Variants in CLEC2L observed in about 807,000 individuals in gnomAD.
CLEC2L encodes C-type lectin domain family 2 member L, also known as C-type lectin domain family 2, member L.
CLEC2L carries 14 observed loss-of-function variants against 23.6 expected under a neutral mutation model. The ratio of observed to expected loss-of-function variants is 0.59; its 90% CI spans 0.39 to 0.93. The LOEUF (loss-of-function observed/expected upper bound fraction) is 0.93. Among genes scored for constraint, CLEC2L ranks in the 40% least tolerant of loss-of-function variants. CLEC2L has a pLI of 0.00. For missense variants in CLEC2L, 264 were observed against 282.4 expected (o/e 0.93, Z 0.47); for synonymous variants, 114 against 121.3 (o/e 0.94, Z 0.40).
At position 139,540,529 on chromosome 7, in the gene CLEC2L, C is replaced by T; in HGVS notation, c.432+42C>T. ...GAAGGGGGTTGGGGGAAGGGACCCT[C>T]AGGGCCCCCAACCTTGACTCTAGGG... On this transcript the variant is annotated intron_variant, in intron 3 of 4. Coordinates refer to ENST00000422142, the MANE Select transcript of CLEC2L (RefSeq NM_001080511.4). The surrounding 1 kb of genome is among the most constrained non-coding windows in gnomAD (Gnocchi z 5.8). The T allele has an allele frequency of 6.4e-7, 1 of 1,555,130 alleles. No individual in the cohort carries two copies. Among genetic ancestry groups the T allele is most frequent in the Non-Finnish European group, 8.7e-7 (1 of 1,149,724 alleles).
rs1797720672 is a variant in CLEC2L, at chr7:139,540,564, ACAGTAAAGGATG to A, written c.432+82_432+93del. On this transcript the variant is annotated intron_variant, in intron 3 of 4. Transcript: ENST00000422142. This position sits in a 1 kb window ranked among gnomAD's most constrained non-coding sequence, Gnocchi z 5.8. ...AACCTTGACTCTAGGGGACAGCCAC[ACAGTAAAGGATG>A]CAGTGTTCCCTGTGACACGTCTCCA... 7.8e-5 allele frequency: 116 copies of A among 1,490,050 alleles called. 2 individuals carry two copies. The South Asian group carries it at 1.2e-3, about 15-fold the overall frequency. The allele number at this position is 1,490,050 out of a possible 1,614,324, so 92.3% of individuals were successfully genotyped here.
intron 1 of CLEC2L, among the ~76,000 whole-genome samples, chr7:139,527,353 C>T (rs923777929): frequency 1.3e-5 from 2 of 152,214 alleles, no homozygotes; most frequent in Non-Finnish European, 1.5e-5. Context: ...TCTCCTCCCC[C>T]TGCTCCCCAG....
At chr7:139,542,196 C>T in intron 4 of CLEC2L, 75 bp downstream of exon 4, 1 of 981,274 alleles carries the variant, frequency 1.0e-6, no homozygotes, top group Non-Finnish European at 1.5e-6. Context: ...GACACAACTC[C>T]CGAAGAGAGA....
At chr7:139,532,285 A>G (rs551289599) in intron 1 of CLEC2L, among the ~76,000 whole-genome samples, 1 of 152,312 alleles carries the variant, frequency 6.6e-6, no homozygotes, top group Admixed American at 6.5e-5. Flanking sequence ...AGAAGCGTTG[A>G]TCCTTGGATT....
chr7:139,538,465 AG>A (rs1401775713), intron 2 of CLEC2L, among the ~76,000 whole-genome samples: 3 of 148,622 alleles, frequency 2.0e-5, no homozygotes, highest in African/African-American at 7.5e-5. Flanking sequence ...AAACAAAAAA[AG>A]GTCCGGGCGT....
chr7:139,536,727 C>A (rs1422351603), intron 2 of CLEC2L, among the ~76,000 whole-genome samples: 4 of 152,034 alleles, frequency 2.6e-5, no homozygotes, highest in Admixed American at 2.6e-4. Context: ...GTAATCCCAG[C>A]ACTTTGGGAG....
At chr7:139,543,562 C>T (rs1797766790) in intron 4 of CLEC2L, among the ~76,000 whole-genome samples, 1 of 152,210 alleles carries the variant, frequency 6.6e-6, no homozygotes, top group South Asian at 2.1e-4. Context: ...AAGAAGAAAC[C>T]TCTGAGGCTG....
At chr7:139,536,478 A>C (rs1351321044) in intron 2 of CLEC2L, 130 bp downstream of exon 2, 4 of 752,876 alleles carry the variant, frequency 5.3e-6, no homozygotes, top group African/African-American at 1.8e-5. Flanking sequence ...TAGAAAATAC[A>C]TAGTGTCAGT....
intron 1 of CLEC2L, among the ~76,000 whole-genome samples, chr7:139,535,364 T>G (rs1461164623): frequency 6.6e-6 from 1 of 152,138 alleles, no homozygotes; most frequent in Non-Finnish European, 1.5e-5. Context: ...TGCCCGGGGC[T>G]GGGGAGAGGA....
chr7:139,536,782 C>G (rs898767617), intron 2 of CLEC2L, among the ~76,000 whole-genome samples: 1 of 151,974 alleles, frequency 6.6e-6, no homozygotes, highest in Non-Finnish European at 1.5e-5. Flanking sequence ...TGAGACCAGC[C>G]TGGCCAACAT....
intron 1 of CLEC2L, among the ~76,000 whole-genome samples, chr7:139,531,057 C>G (rs1288328592): frequency 6.6e-6 from 1 of 152,162 alleles, no homozygotes; most frequent in Admixed American, 6.5e-5. Context: ...CCAGATCACT[C>G]TACTGTGTCC....
At chr7:139,541,897 G>C in intron 3 of CLEC2L, 124 bp from the exon 4 acceptor site, 1 of 684,920 alleles carries the variant, frequency 1.5e-6, no homozygotes, top group Non-Finnish European at 2.6e-6. Context: ...CGAGACAACA[G>C]TCACTCTCCT....
intron 1 of CLEC2L, among the ~76,000 whole-genome samples, chr7:139,528,833 G>A (rs947575310): frequency 1.3e-5 from 2 of 152,170 alleles, no homozygotes; most frequent in African/African-American, 2.4e-5. Flanking sequence ...CCCTGCAGAG[G>A]TCAGAGGAAG....
At position 139,540,448 on chromosome 7, in the gene CLEC2L, C is replaced by A. The variant is rs746347707; in HGVS notation, c.393C>A (p.His131Gln). The change falls in exon 3 of 5, where the codon CAC becomes CAA. Residue 131 changes from histidine to glutamine, a missense_variant. Coordinates refer to ENST00000422142, the MANE Select transcript of CLEC2L (RefSeq NM_001080511.4). This position sits in a 1 kb window ranked among gnomAD's most constrained non-coding sequence, Gnocchi z 5.8. The stretch of plus-strand genomic sequence containing the variant: ...CAGGCAGGCAGTACTGCCACACCCA[C>A]GAGGCGGTGCTGGCTGTGATTCAGA... ...WNTGRQYCHT[H>Q]EAVLAVIQSQ... 6.2e-7 allele frequency: 1 copy of A among 1,601,822 alleles called. No individual in the cohort carries two copies. Among genetic ancestry groups the A allele is most frequent in the East Asian group, 2.3e-5 (1 of 44,360 alleles).
chr7:139,530,366 A>G (rs1797564027), intron 1 of CLEC2L, among the ~76,000 whole-genome samples: 1 of 152,154 alleles, frequency 6.6e-6, no homozygotes, highest in Non-Finnish European at 1.5e-5. Flanking sequence ...GCCTCATGGG[A>G]GGACCTCTAA....
Position 139,523,885 on chromosome 7 carries a change from C to G in CLEC2L, c.-43C>G. The G allele has an allele frequency of 3.1e-6, 3 of 977,804 alleles. No homozygotes were observed. The highest frequency in any genetic ancestry group is 3.6e-6 in the Non-Finnish European group (3 of 826,110). 60.6% of individuals were successfully genotyped at this position (977,804 alleles called of 1,614,324 possible). A position where few individuals can be genotyped will look rare whatever the true frequency, so the allele number is the denominator to read the frequency against. On this transcript the variant is annotated 5_prime_UTR_variant, in exon 1 of 5. Coordinates refer to ENST00000422142, the MANE Select transcript of CLEC2L (RefSeq NM_001080511.4). The surrounding 1 kb of genome is among the most constrained non-coding windows in gnomAD (Gnocchi z 4.1). Reference sequence around the variant, plus strand: ...AGTGCGCGTCGGGCTGGGCCCCGCACCCCGGTGCAGGAGCGCGGGCGCGGC... The same window carrying G: ...AGTGCGCGTCGGGCTGGGCCCCGCAGCCCGGTGCAGGAGCGCGGGCGCGGC...
chr7:139,542,176 T>A, intron 4 of CLEC2L, 55 bp downstream of exon 4: 1 of 1,236,888 alleles, frequency 8.1e-7, no homozygotes, highest in Non-Finnish European at 1.2e-6. Context: ...AAGGCCTGAC[T>A]CACCCCCTGG....
intron 1 of CLEC2L, among the ~76,000 whole-genome samples, chr7:139,526,628 C>T (rs1797511340): frequency 6.6e-6 from 1 of 152,202 alleles, no homozygotes; most frequent in South Asian, 2.1e-4. Context: ...TCTGGTAAAG[C>T]TGGGGCAGAG....
chr7:139,531,978 A>G (rs1183906990), intron 1 of CLEC2L, among the ~76,000 whole-genome samples: 2 of 152,148 alleles, frequency 1.3e-5, no homozygotes, highest in Non-Finnish European at 2.9e-5. Context: ...TCCACATTGA[A>G]AGGGCCTACT....
Sources: allele counts gnomAD v4.1 joint callset (sites outside exome capture counted in the v4.1 genomes callset), GRCh38; gene constraint gnomAD v4.1.1; non-coding constraint Gnocchi (gnomAD v3.1); transcripts MANE v1.5; gene names NCBI Gene and HGNC (gene_info 2026-07-23, HGNC 2026-07-21).